MAPKAP1: variants seen among roughly 807,000 people sequenced by gnomAD.
The protein encoded by MAPKAP1 is target of rapamycin complex 2 subunit MAPKAP1.
A neutral mutation model predicts 65.7 loss-of-function variants in MAPKAP1; 20 were observed. The ratio of observed to expected loss-of-function variants is 0.30; its 90% CI spans 0.21 to 0.44. MAPKAP1 has a LOEUF of 0.44. Among genes scored for constraint, MAPKAP1 ranks in the 20% least tolerant of loss-of-function variants. The pLI is 1.00. For synonymous variants in MAPKAP1, 222 were observed against 244.3 expected, an observed-to-expected ratio of 0.91 and a Z score of 0.85; for missense variants, 423 against 648.0, an observed-to-expected ratio of 0.65 and a Z score of 3.77.
In MAPKAP1 at chr9:125,484,538, A is replaced by G; in HGVS notation, c.1112T>C (p.Ile371Thr). 1 of 1,612,108 alleles carries G rather than the reference A, an allele frequency of 6.2e-7. No individual in the cohort carries two copies. The highest frequency in any genetic ancestry group is 8.5e-7 in the Non-Finnish European group (1 of 1,179,068). Residue 371 changes from isoleucine to threonine, a missense_variant, in exon 9 of 12, where the codon ATA (isoleucine) becomes ACA (threonine). By Grantham distance (89) the Ile-to-Thr change is moderately conservative. Coordinates refer to ENST00000265960, the MANE Select transcript of MAPKAP1 (RefSeq NM_001006617.3). Reference sequence around the variant, plus strand: ...GCTAAGCATATCCTGTACTGTGGCTATGTCAATTTGCGAATCCTCCTCAAA... The same window carrying G: ...GCTAAGCATATCCTGTACTGTGGCTGTGTCAATTTGCGAATCCTCCTCAAA... ...GVFEEDSQID[I>T]ATVQDMLSSH...
intron 7 of MAPKAP1, among the ~76,000 whole-genome samples, chr9:125,527,632 A>G (rs1589259442): frequency 6.6e-6 from 1 of 152,136 alleles, no homozygotes; most frequent in Admixed American, 6.5e-5. Flanking sequence ...TCTTTCACAC[A>G]CACCCACACG....
intron 7 of MAPKAP1, among the ~76,000 whole-genome samples, chr9:125,520,268 G>A (rs1829583183): frequency 6.6e-6 from 1 of 152,196 alleles, no homozygotes; most frequent in East Asian, 1.9e-4. Flanking sequence ...CATAAAGTCT[G>A]TAGCTTTAGC....
chr9:125,688,197 G>T (rs1835047235), intron 1 of MAPKAP1, among the ~76,000 whole-genome samples: 1 of 151,810 alleles, frequency 6.6e-6, no homozygotes, highest in Non-Finnish European at 1.5e-5. Context: ...AGATTGCAAT[G>T]GTGCAGTCTC....
At chr9:125,566,665 G>A (rs1831064319) in intron 5 of MAPKAP1, among the ~76,000 whole-genome samples, 1 of 152,292 alleles carries the variant, frequency 6.6e-6, no homozygotes, top group East Asian at 1.9e-4. Flanking sequence ...ACCCAAAACT[G>A]AACTCCACTC....
intron 5 of MAPKAP1, among the ~76,000 whole-genome samples, chr9:125,577,117 C>G (rs1382407377): frequency 1.3e-5 from 2 of 151,518 alleles, no homozygotes; most frequent in Admixed American, 6.6e-5. Flanking sequence ...AAGTGAGGAG[C>G]GTCTCTGCCC....
At chr9:125,455,278 T>G (rs1853122394) in intron 10 of MAPKAP1, among the ~76,000 whole-genome samples, 1 of 152,150 alleles carries the variant, frequency 6.6e-6, no homozygotes, top group Non-Finnish European at 1.5e-5. Context: ...ATGTTAGAAT[T>G]ATATAATAAG....
At chr9:125,545,997 C>A (rs1026567277) in intron 6 of MAPKAP1, among the ~76,000 whole-genome samples, 2 of 152,188 alleles carry the variant, frequency 1.3e-5, no homozygotes, top group Admixed American at 6.5e-5. Flanking sequence ...CGCTTCCGAG[C>A]GGCTGCCATG....
At chr9:125,455,951 AT>A (rs926304243) in intron 10 of MAPKAP1, among the ~76,000 whole-genome samples, 24 of 151,920 alleles carry the variant, frequency 1.6e-4, no homozygotes, top group African/African-American at 5.3e-4. Context: ...AAATTATTTC[AT>A]TTTTTTTGAT....
intron 7 of MAPKAP1, chr9:125,521,587 C>G (rs1314579781): frequency 6.9e-7 from 1 of 1,451,122 alleles, no homozygotes; most frequent in African/African-American, 1.5e-5. Context: ...GGTGCTAAAT[C>G]ACACTGCAGA....
intron 8 of MAPKAP1, 180 bp downstream of exon 8, chr9:125,506,130 A>G (rs1377257138): frequency 7.8e-6 from 5 of 641,820 alleles, no homozygotes; most frequent in East Asian, 2.8e-5. Context: ...TCTACCAAAA[A>G]GCACAAAATC....
chr9:125,660,304 T>A (rs1230827569), intron 3 of MAPKAP1, among the ~76,000 whole-genome samples: 1 of 152,224 alleles, frequency 6.6e-6, no homozygotes, highest in Non-Finnish European at 1.5e-5. Context: ...ACGAGGGAAC[T>A]TTTTTGGGGT....
At chr9:125,549,726 G>C (rs893056630) in intron 6 of MAPKAP1, among the ~76,000 whole-genome samples, 2 of 152,128 alleles carry the variant, frequency 1.3e-5, no homozygotes, top group Non-Finnish European at 2.9e-5. Context: ...TGCCTGCTTA[G>C]CTTGCTCGAC....
intron 10 of MAPKAP1, among the ~76,000 whole-genome samples, chr9:125,450,477 C>T (rs1033182606): frequency 7.9e-5 from 12 of 152,144 alleles, no homozygotes; most frequent in African/African-American, 2.9e-4. Flanking sequence ...ATACCCCTTT[C>T]CCTGTTGCAA....
chr9:125,670,381 A>G (rs1358012943), intron 2 of MAPKAP1, among the ~76,000 whole-genome samples: 1 of 152,196 alleles, frequency 6.6e-6, no homozygotes, highest in Non-Finnish European at 1.5e-5. Context: ...TTATCTAAAA[A>G]TCATGAAAAT....
intron 3 of MAPKAP1, among the ~76,000 whole-genome samples, chr9:125,664,933 G>C (rs1304398225): frequency 6.6e-6 from 1 of 152,022 alleles, no homozygotes; most frequent in Admixed American, 6.6e-5. Context: ...ACTTGGGAAA[G>C]TTATTTGGCC....
chr9:125,518,079 A>G (rs1829514689), intron 7 of MAPKAP1, among the ~76,000 whole-genome samples: 1 of 152,230 alleles, frequency 6.6e-6, no homozygotes, highest in African/African-American at 2.4e-5. Context: ...TTGAAAATTG[A>G]ACTCAACAAT....
chr9:125,460,936 G>T (rs1853470924), intron 10 of MAPKAP1, among the ~76,000 whole-genome samples: 1 of 152,220 alleles, frequency 6.6e-6, no homozygotes, highest in African/African-American at 2.4e-5. Context: ...ATTTCTGGAG[G>T]AAGCAGGGAG....
chr9:125,519,313 C>A (rs1434003000), intron 7 of MAPKAP1, among the ~76,000 whole-genome samples: 1 of 152,148 alleles, frequency 6.6e-6, no homozygotes, highest in Non-Finnish European at 1.5e-5. Context: ...GTGAAGAGGA[C>A]TGACTGGAGC....
chr9:125,455,851 G>A (rs1853143380), intron 10 of MAPKAP1, among the ~76,000 whole-genome samples: 1 of 152,184 alleles, frequency 6.6e-6, no homozygotes, highest in African/African-American at 2.4e-5. Context: ...TATTTTGAGT[G>A]TTCTCAGTTC....
Sources: gnomAD v4.1 joint callset for allele counts (sites outside exome capture counted in the v4.1 genomes callset) on GRCh38, gnomAD v4.1.1 for gene constraint, MANE v1.5 for transcripts, NCBI Gene and HGNC (gene_info 2026-07-23, HGNC 2026-07-21) for gene names.